NALCN: variants seen among roughly 807,000 people sequenced by gnomAD.
NALCN encodes sodium leak channel NALCN.
NALCN carries 111 observed loss-of-function variants against 225.3 expected under a neutral mutation model. The observed-to-expected ratio is 0.49, with a 90% CI of 0.42 to 0.58. The LOEUF (loss-of-function observed/expected upper bound fraction) is 0.58. Ranked by LOEUF, NALCN falls within the 20% of genes least tolerant of loss-of-function variation. The pLI is 0.00. For synonymous variants in NALCN, 764 were observed against 769.0 expected, an observed-to-expected ratio of 0.99 and a Z score of 0.11; for missense variants, 1,378 against 2,202.4, an observed-to-expected ratio of 0.63 and a Z score of 7.49.
chr13:101,250,044 A>T (rs2042016188), intron 11 of NALCN, among the ~76,000 whole-genome samples: 1 of 152,126 alleles, frequency 6.6e-6, no homozygotes, highest in South Asian at 2.1e-4. Flanking sequence ...CTGGCTATGA[A>T]TTAGGTCAAT....
rs147250385 is a variant in NALCN, at chr13:101,354,780, G to T, written c.645-9360C>A. On this transcript the variant is annotated intron_variant, in intron 6 of 43. Transcript: ENST00000251127. ...TAATTGAATGTGGTTTGACTGAGTT[G>T]TATGGCTGGAGAGAGGCAATTTTTT... is the stretch of plus-strand genomic sequence containing the variant. Among the ~76,000 whole-genome samples the T allele has an allele frequency of 2.3e-4, 35 of 152,294 alleles. No homozygotes were observed. In the East Asian group the frequency reaches 6.8e-3, roughly 29 times the overall value.
At chr13:101,072,011 C>G (rs2032924571) in intron 37 of NALCN, among the ~76,000 whole-genome samples, 2 of 152,056 alleles carry the variant, frequency 1.3e-5, no homozygotes, top group Admixed American at 1.3e-4. Flanking sequence ...TTCGGTGCAG[C>G]AATCAGAAGA....
intron 14 of NALCN, 135 bp downstream of exon 14, chr13:101,191,782 G>T: frequency 1.3e-6 from 1 of 764,788 alleles, no homozygotes; most frequent in Non-Finnish European, 2.0e-6. Flanking sequence ...ATGGAAGGAG[G>T]GATCTCATCC....
rs1198969822 is a variant in NALCN, at chr13:101,360,149, TTTC to T, written c.645-14732_645-14730del. Reference sequence around the variant, plus strand: ...TCTTTTTTCTTTCTTTCTCTCTTTTTTTCTTTCTTTCTTTCTCTTTCTTCCTCT... The same window carrying T: ...TCTTTTTTCTTTCTTTCTCTCTTTTTTTTCTTTCTTTCTCTTTCTTCCTCT... On this transcript the variant is annotated intron_variant, in intron 6 of 43. Transcript: ENST00000251127. Among the ~76,000 whole-genome samples the T allele has an allele frequency of 2.2e-4, 30 of 139,432 alleles. 1 individual carries two copies. The highest frequency in any genetic ancestry group is 1.0e-3 in the African/African-American group (30 of 30,010). The allele number at this position is 139,432 out of a possible 152,430, so 91.5% of individuals were successfully genotyped here. A position where few individuals can be genotyped will look rare whatever the true frequency, so the allele number is the denominator to read the frequency against.
At chr13:101,213,696 CTCA>C (rs1481324427) in intron 13 of NALCN, among the ~76,000 whole-genome samples, 1 of 152,164 alleles carries the variant, frequency 6.6e-6, no homozygotes, top group East Asian at 1.9e-4. Context: ...TGAAAAAATG[CTCA>C]TCATCACTGG....
intron 7 of NALCN, among the ~76,000 whole-genome samples, chr13:101,344,786 C>A (rs1482576420): frequency 6.6e-6 from 1 of 152,154 alleles, no homozygotes; most frequent in African/African-American, 2.4e-5. Context: ...TTAGTTGATG[C>A]ATATTCACTA....
At chr13:101,385,593 A>T (rs1175653833) in intron 3 of NALCN, among the ~76,000 whole-genome samples, 1 of 152,346 alleles carries the variant, frequency 6.6e-6, no homozygotes, top group Middle Eastern at 3.4e-3. Context: ...TAAAGTTGCC[A>T]GTGGATTCTG....
At chr13:101,361,326 C>T (rs990639294) in intron 6 of NALCN, among the ~76,000 whole-genome samples, 1 of 152,118 alleles carries the variant, frequency 6.6e-6, no homozygotes, top group Admixed American at 6.6e-5. Flanking sequence ...ATAGGTAGAG[C>T]TCCTCATTCC....
rs148058256 is a variant in NALCN at position 101,266,190 on chromosome 13, T to G, written c.1135-7616A>C. 2.8e-3 allele frequency among the ~76,000 whole-genome samples: 425 copies of G among 152,264 alleles called. 3 individuals are homozygous for G. Among genetic ancestry groups the G allele is most frequent in the Non-Finnish European group, 3.7e-3 (255 of 68,018 alleles). Reference sequence around the variant, plus strand: ...CAGTGGACACCGTGTGCTCTGTAACTCTCATTATTTCAGTCTTGGAAAGCA... The same window carrying G: ...CAGTGGACACCGTGTGCTCTGTAACGCTCATTATTTCAGTCTTGGAAAGCA... On this transcript the variant is annotated intron_variant, in intron 10 of 43. Transcript: ENST00000251127.
At chr13:101,103,889 C>T (rs2034960588) in intron 25 of NALCN, among the ~76,000 whole-genome samples, 1 of 152,112 alleles carries the variant, frequency 6.6e-6, no homozygotes, top group South Asian at 2.1e-4. Flanking sequence ...GAGAGAGATA[C>T]AATCACAATC....
intron 1 of NALCN, among the ~76,000 whole-genome samples, chr13:101,405,090 A>G (rs1017192278): frequency 6.6e-6 from 1 of 152,224 alleles, no homozygotes; most frequent in African/African-American, 2.4e-5. Context: ...AGAACTCAAA[A>G]CAACAAACCA....
At chr13:101,170,458 C>G (rs527495514) in intron 15 of NALCN, among the ~76,000 whole-genome samples, 1 of 152,158 alleles carries the variant, frequency 6.6e-6, no homozygotes, top group East Asian at 1.9e-4. Flanking sequence ...CAGAACCACC[C>G]GACAGATGCA....
chr13:101,105,425 G>T (rs538748959), intron 22 of NALCN, among the ~76,000 whole-genome samples: 2 of 152,122 alleles, frequency 1.3e-5, no homozygotes, highest in Non-Finnish European at 2.9e-5. Context: ...AGGGAGAGTC[G>T]TTGTTTCTAC....
At chr13:101,158,038 C>G (rs1001785572) in intron 15 of NALCN, among the ~76,000 whole-genome samples, 1 of 152,126 alleles carries the variant, frequency 6.6e-6, no homozygotes, top group African/African-American at 2.4e-5. Context: ...GGGTGAGCAA[C>G]CAACTGTCTT....
At chr13:101,140,735 G>T (rs188870523) in intron 17 of NALCN, among the ~76,000 whole-genome samples, 6 of 152,282 alleles carry the variant, frequency 3.9e-5, no homozygotes, top group African/African-American at 1.4e-4. Context: ...GATTATAACT[G>T]TGAAGAAGAG....
chr13:101,067,912 C>A lies in NALCN; in HGVS notation c.4446+6G>T. On this transcript the variant is annotated splice_donor_region_variant and intron_variant, in intron 39 of 43. Transcript: ENST00000251127. ...TGAGGCATGAAACAACAACCCACTCCCATACCTCTCTTTTATCATCCACCA... is the reference window on the plus strand; with the variant it reads ...TGAGGCATGAAACAACAACCCACTCACATACCTCTCTTTTATCATCCACCA... The A allele has an allele frequency of 1.3e-6, 2 of 1,587,808 alleles. No homozygotes were observed. The highest frequency in any genetic ancestry group is 2.2e-5 in the South Asian group (2 of 89,776).
Position 101,058,067 on chromosome 13 carries a change from G to A in NALCN, c.4906-11C>T, listed in dbSNP as rs555955525. The A allele has an allele frequency of 2.5e-6, 4 of 1,607,384 alleles. No individual in the cohort carries two copies. The highest frequency in any genetic ancestry group is 2.5e-6 in the Non-Finnish European group (3 of 1,177,032). ...CTGCTGGCTGCTTGTCTGCATGGGA[G>A]GAGAAGCACACAGTTACCGTCTTTT... On this transcript the variant is annotated splice_polypyrimidine_tract_variant and intron_variant, in intron 42 of 43. Coordinates refer to ENST00000251127, the MANE Select transcript of NALCN (RefSeq NM_052867.4).
intron 33 of NALCN, among the ~76,000 whole-genome samples, chr13:101,082,476 G>A (rs1401023807): frequency 6.6e-6 from 1 of 152,140 alleles, no homozygotes; most frequent in African/African-American, 2.4e-5. Flanking sequence ...AACCTTGTCT[G>A]GGCCAACTTG....
intron 13 of NALCN, among the ~76,000 whole-genome samples, chr13:101,198,692 G>A (rs1268286022): frequency 6.6e-6 from 1 of 152,166 alleles, no homozygotes; most frequent in Non-Finnish European, 1.5e-5. Context: ...CACTGTTGGT[G>A]GGACTGCAAA....
Sources: allele counts gnomAD v4.1 joint callset (sites outside exome capture counted in the v4.1 genomes callset), GRCh38; gene constraint gnomAD v4.1.1; transcripts MANE v1.5; gene names NCBI Gene and HGNC (gene_info 2026-07-23, HGNC 2026-07-21).